PARD3: variants seen among roughly 807,000 people sequenced by gnomAD.
PARD3 encodes the protein par-3 family cell polarity regulator.
In PARD3, 75 loss-of-function variants were observed where a neutral mutation model predicts 155.4. The observed-to-expected ratio is 0.48, with a 90% confidence interval of 0.40 to 0.58. The LOEUF (loss-of-function observed/expected upper bound fraction) is 0.58, where lower values mean the gene tolerates loss of function less well. Among genes scored for constraint, PARD3 ranks in the 20% least tolerant of loss-of-function variants. The pLI is 0.00. For synonymous variants in PARD3, 576 were observed against 610.5 expected (o/e 0.94, Z 0.83); for missense variants, 1,642 against 1,721.7 (o/e 0.95, Z 0.82).
chr10:34,258,035 G>C (rs1232294789), intron 22 of PARD3, among the ~76,000 whole-genome samples: 7 of 152,142 alleles, frequency 4.6e-5, no homozygotes, highest in African/African-American at 1.7e-4. Context: ...GATGCAATTG[G>C]ATTTATCCTT....
intron 14 of PARD3, among the ~76,000 whole-genome samples, chr10:34,350,234 G>A (rs1421415493): frequency 2.6e-5 from 4 of 152,172 alleles, no homozygotes; most frequent in Non-Finnish European, 4.4e-5. Flanking sequence ...GTCAGAGGGG[G>A]CACCAGCGGC....
rs555582256 is a variant in PARD3, at chr10:34,772,792, TAAAAAAAA to T, written c.120+42076_120+42083del. ...CTGGGTGACACAGCAAGACTCCATC[TAAAAAAAA>T]AAAAAAAAAAAAAAAACTATTTCTA... On this transcript the variant is annotated intron_variant, in intron 1 of 24. Coordinates refer to ENST00000374788, the MANE Select transcript of PARD3 (RefSeq NM_001184785.2). Among the ~76,000 whole-genome samples, 6 of 90,308 alleles carry T rather than the reference TAAAAAAAA, an allele frequency of 6.6e-5. No individual in the cohort carries two copies. The East Asian group carries it at 1.2e-3, about 18-fold the overall frequency. The allele number at this position is 90,308 out of a possible 152,430, so 59.2% of individuals were successfully genotyped here.
chr10:34,480,359 C>T (rs1174759780), intron 3 of PARD3, among the ~76,000 whole-genome samples: 1 of 152,172 alleles, frequency 6.6e-6, no homozygotes, highest in African/African-American at 2.4e-5. Flanking sequence ...CTCAGCTGCA[C>T]CAGTAACTGA....
At chr10:34,195,199 A>G (rs1256991262) in intron 22 of PARD3, among the ~76,000 whole-genome samples, 1 of 152,228 alleles carries the variant, frequency 6.6e-6, no homozygotes, top group Non-Finnish European at 1.5e-5. Flanking sequence ...TCTTTAATAA[A>G]TATTCATCTT....
intron 2 of PARD3, among the ~76,000 whole-genome samples, chr10:34,693,186 T>C (rs2094103346): frequency 6.6e-6 from 1 of 152,220 alleles, no homozygotes; most frequent in African/African-American, 2.4e-5. Context: ...TGGAAAGCAG[T>C]GTGGCAATTT....
intron 5 of PARD3, among the ~76,000 whole-genome samples, chr10:34,402,422 C>T (rs999345996): frequency 3.3e-5 from 5 of 152,166 alleles, no homozygotes; most frequent in Non-Finnish European, 7.3e-5. Context: ...GCTAACACAG[C>T]TTGTCAAAAG....
intron 14 of PARD3, among the ~76,000 whole-genome samples, chr10:34,350,507 A>G (rs1777538121): frequency 6.6e-6 from 1 of 151,852 alleles, no homozygotes; most frequent in African/African-American, 2.4e-5. Flanking sequence ...GGTGGCGGGC[A>G]CCTGTAATTC....
chr10:34,353,114 G>A lies in PARD3; in HGVS notation c.2068-4999C>T, dbSNP rs557688296. On this transcript the variant is annotated intron_variant, in intron 14 of 24. Transcript: ENST00000374788. ...TGAGGAGCCCCTCCGCCCAGCAGCC[G>A]CCCCGTCTGGGAAGTGGGGGGCAGC... Among the ~76,000 whole-genome samples, 99 of 152,028 alleles carry A rather than the reference G, an allele frequency of 6.5e-4. 1 individual carries two copies. Among genetic ancestry groups the A allele is most frequent in the Admixed American group, 6.2e-3 (94 of 15,272 alleles).
intron 22 of PARD3, among the ~76,000 whole-genome samples, chr10:34,154,672 C>T (rs1011276920): frequency 2.6e-5 from 4 of 152,178 alleles, no homozygotes; most frequent in African/African-American, 9.7e-5. Flanking sequence ...TCATCTTTCA[C>T]ATACCACCTC....
chr10:34,623,385 C>T (rs950054782), intron 2 of PARD3, among the ~76,000 whole-genome samples: 2 of 152,120 alleles, frequency 1.3e-5, no homozygotes, highest in African/African-American at 2.4e-5. Flanking sequence ...GAATTTTCTA[C>T]GAATCTTTGA....
intron 18 of PARD3, among the ~76,000 whole-genome samples, chr10:34,335,003 A>C (rs1287563486): frequency 6.6e-6 from 1 of 151,866 alleles, no homozygotes; most frequent in East Asian, 1.9e-4. Context: ...TGAGCAGCTC[A>C]ATTTGGTTTT....
chr10:34,124,118 G>A (rs1489987724), intron 23 of PARD3, among the ~76,000 whole-genome samples: 1 of 152,078 alleles, frequency 6.6e-6, no homozygotes, highest in Non-Finnish European at 1.5e-5. Flanking sequence ...TTTTATAAAG[G>A]ATCACTTTGA....
intron 2 of PARD3, among the ~76,000 whole-genome samples, chr10:34,673,286 C>G (rs2093641147): frequency 6.6e-6 from 1 of 152,256 alleles, no homozygotes; most frequent in East Asian, 1.9e-4. Context: ...ACAGATTAAA[C>G]TAAAGATAGC....
chr10:34,562,064 G>C (rs894594128), intron 2 of PARD3, among the ~76,000 whole-genome samples: 2 of 146,662 alleles, frequency 1.4e-5, no homozygotes, highest in Non-Finnish European at 3.0e-5. Context: ...ACCTGGGAGG[G>C]GGGGTGAACC....
chr10:34,385,122 ATT>A (rs1842221632), intron 7 of PARD3, among the ~76,000 whole-genome samples: 1 of 151,964 alleles, frequency 6.6e-6, no homozygotes, highest in Admixed American at 6.6e-5. Context: ...TGTTATTTTT[ATT>A]TTTTTAGTCT....
intron 5 of PARD3, among the ~76,000 whole-genome samples, chr10:34,446,955 A>C (rs538062484): frequency 6.6e-6 from 1 of 152,332 alleles, no homozygotes; most frequent in South Asian, 2.1e-4. Flanking sequence ...GCATTTAGTC[A>C]ACAAAATCAT....
intron 22 of PARD3, among the ~76,000 whole-genome samples, chr10:34,205,279 T>G (rs570228244): frequency 3.4e-5 from 5 of 147,642 alleles, no homozygotes; most frequent in South Asian, 2.2e-4. Context: ...TTGTTGAACT[T>G]GCCTAATCTG....
chr10:34,683,609 G>C (rs546294577), intron 2 of PARD3, among the ~76,000 whole-genome samples: 1 of 151,190 alleles, frequency 6.6e-6, no homozygotes, highest in Non-Finnish European at 1.5e-5. Context: ...CCCAGCCTGG[G>C]ATTGGTGTAA....
intron 1 of PARD3, among the ~76,000 whole-genome samples, chr10:34,804,695 C>T (rs1269126530): frequency 1.3e-5 from 2 of 152,120 alleles, no homozygotes; most frequent in Admixed American, 1.3e-4. Context: ...GTCCCTCAGA[C>T]TTCTAAAGAG....
Sources: allele counts gnomAD v4.1 joint callset (sites outside exome capture counted in the v4.1 genomes callset), GRCh38; gene constraint gnomAD v4.1.1; transcripts MANE v1.5; gene names NCBI Gene and HGNC (gene_info 2026-07-23, HGNC 2026-07-21).